Variants in PTPRD observed in about 807,000 individuals in gnomAD.
PTPRD encodes receptor-type tyrosine-protein phosphatase delta.
In PTPRD, 34 loss-of-function variants were observed where a neutral mutation model predicts 214.5. That is an observed-to-expected ratio of 0.16 (90% CI 0.12 to 0.21). The LOEUF (loss-of-function observed/expected upper bound fraction) is 0.21, where lower values mean the gene tolerates loss of function less well. Ranked by LOEUF, PTPRD falls within the 10% of genes least tolerant of loss-of-function variation. The pLI, the probability that PTPRD is intolerant of heterozygous loss-of-function variation, is 1.00. For missense variants in PTPRD, 2,545 were observed against 2,398.7 expected, an observed-to-expected ratio of 1.06 and a Z score of -1.27; for synonymous variants, 1,128 against 845.7, an observed-to-expected ratio of 1.33 and a Z score of -5.79.
chr9:9,769,809 T>C (rs975463373), intron 5 of PTPRD, among the ~76,000 whole-genome samples: 1 of 152,064 alleles, frequency 6.6e-6, no homozygotes, highest in East Asian at 1.9e-4. Flanking sequence ...CCTCCCTGTG[T>C]CCATGTGTTC....
At chr9:8,343,339 A>G (rs11999115) in intron 39 of PTPRD, among the ~76,000 whole-genome samples, 4,944 of 152,124 alleles carry the variant, frequency 0.032, 237 homozygotes, top group African/African-American at 0.11. Context: ...GATGCCAAGA[A>G]TCCAATCCCA....
intron 3 of PTPRD, among the ~76,000 whole-genome samples, chr9:10,076,887 T>C (rs969311345): frequency 2.0e-5 from 3 of 152,154 alleles, no homozygotes; most frequent in Non-Finnish European, 4.4e-5. Context: ...ACCAAGACCA[T>C]TGCTGTATTT....
intron 7 of PTPRD, among the ~76,000 whole-genome samples, chr9:9,721,985 T>C (rs1161318773): frequency 6.6e-6 from 1 of 152,056 alleles, no homozygotes; most frequent in Non-Finnish European, 1.5e-5. Flanking sequence ...TAGATTAAGG[T>C]ATGTGTGAGT....
intron 4 of PTPRD, among the ~76,000 whole-genome samples, chr9:9,982,528 A>AT (rs2095579761): frequency 6.7e-6 from 1 of 150,116 alleles, no homozygotes; most frequent in Middle Eastern, 3.4e-3. Context: ...GCATAAACTA[A>AT]TTGCAATTCT....
chr9:8,564,830 T>C (rs1164777119), intron 14 of PTPRD, among the ~76,000 whole-genome samples: 3 of 152,174 alleles, frequency 2.0e-5, no homozygotes, highest in African/African-American at 7.2e-5. Flanking sequence ...ATTCACTTAT[T>C]GGAGGGAAGA....
intron 8 of PTPRD, among the ~76,000 whole-genome samples, chr9:9,522,489 T>G (rs1244609450): frequency 6.6e-6 from 1 of 152,096 alleles, no homozygotes; most frequent in African/African-American, 2.4e-5. Context: ...ACTGATGTGT[T>G]GACAGACAAC....
intron 4 of PTPRD, among the ~76,000 whole-genome samples, chr9:9,942,564 C>A (rs2091757911): frequency 6.6e-6 from 1 of 152,032 alleles, no homozygotes; most frequent in Non-Finnish European, 1.5e-5. Context: ...AGATATAGTG[C>A]CCAATTTCCT....
intron 44 of PTPRD, among the ~76,000 whole-genome samples, chr9:8,321,693 T>TA (rs1413907058): frequency 6.6e-6 from 1 of 151,526 alleles, no homozygotes; most frequent in African/African-American, 2.4e-5. Context: ...CTCTTTTCCT[T>TA]AGAGATTATT....
intron 2 of PTPRD, among the ~76,000 whole-genome samples, chr9:10,381,705 A>G (rs2097828358): frequency 6.6e-6 from 1 of 151,964 alleles, no homozygotes; most frequent in Non-Finnish European, 1.5e-5. Flanking sequence ...TTTACCACAT[A>G]CAAAGTTATC....
At chr9:10,331,836 G>A (rs943100133) in intron 3 of PTPRD, among the ~76,000 whole-genome samples, 1 of 151,764 alleles carries the variant, frequency 6.6e-6, no homozygotes, top group African/African-American at 2.4e-5. Context: ...ACTTTCAGTT[G>A]GCATTTTTGT....
chr9:8,432,870 T>C (rs1401607860), intron 35 of PTPRD, among the ~76,000 whole-genome samples: 1 of 152,204 alleles, frequency 6.6e-6, no homozygotes, highest in African/African-American at 2.4e-5. Context: ...CTATGTGGGC[T>C]ATCAGGTCCA....
At chr9:9,125,180 T>C (rs2099827174) in intron 10 of PTPRD, among the ~76,000 whole-genome samples, 1 of 152,212 alleles carries the variant, frequency 6.6e-6, no homozygotes, top group South Asian at 2.1e-4. Flanking sequence ...TTAGCAGAAC[T>C]GGCTCCTTAC....
At chr9:10,201,672 T>A (rs1276572373) in intron 3 of PTPRD, among the ~76,000 whole-genome samples, 1 of 152,086 alleles carries the variant, frequency 6.6e-6, no homozygotes, top group African/African-American at 2.4e-5. Context: ...TCTTAGGTAT[T>A]GTGAATAATG....
intron 9 of PTPRD, among the ~76,000 whole-genome samples, chr9:9,308,322 G>C (rs995241563): frequency 1.3e-5 from 2 of 152,158 alleles, no homozygotes; most frequent in Non-Finnish European, 2.9e-5. Flanking sequence ...ACACGTGTTT[G>C]TATACTTACA....
intron 3 of PTPRD, among the ~76,000 whole-genome samples, chr9:10,106,328 T>C (rs1176064710): frequency 1.3e-5 from 2 of 151,976 alleles, no homozygotes; most frequent in Non-Finnish European, 1.5e-5. Flanking sequence ...ACATTTGGCC[T>C]GCAGAAAGTC....
chr9:9,169,765 A>C (rs574111054), intron 10 of PTPRD, among the ~76,000 whole-genome samples: 1 of 152,176 alleles, frequency 6.6e-6, no homozygotes, highest in African/African-American at 2.4e-5. Context: ...CTAAAAAGGC[A>C]TCTGTAGTCT....
At chr9:9,152,252 G>C (rs140811593) in intron 10 of PTPRD, among the ~76,000 whole-genome samples, 5 of 152,148 alleles carry the variant, frequency 3.3e-5, no homozygotes, top group East Asian at 1.9e-4. Context: ...CATCTGATTT[G>C]AATGCACATG....
At chr9:8,656,060 A>C (rs142260103) in intron 12 of PTPRD, among the ~76,000 whole-genome samples, 1 of 152,080 alleles carries the variant, frequency 6.6e-6, no homozygotes, top group Non-Finnish European at 1.5e-5. Flanking sequence ...AACAAATCAG[A>C]CTCCTAGCCT....
intron 4 of PTPRD, among the ~76,000 whole-genome samples, chr9:9,941,082 A>T (rs1195114607): frequency 6.6e-6 from 1 of 152,104 alleles, no homozygotes; most frequent in Non-Finnish European, 1.5e-5. Flanking sequence ...AGAAAATTCC[A>T]AAAAAATCTC....
Sources: gnomAD v4.1 joint callset for allele counts (sites outside exome capture counted in the v4.1 genomes callset) on GRCh38, gnomAD v4.1.1 for gene constraint, MANE v1.5 for transcripts, NCBI Gene and HGNC (gene_info 2026-07-23, HGNC 2026-07-21) for gene names.